The following PDSS2 variants were observed in gnomAD, a reference collection of about 807,000 sequenced individuals.
PDSS2 encodes the protein decaprenyl diphosphate synthase subunit 2, also known as all trans-polyprenyl-diphosphate synthase PDSS2.
A neutral mutation model predicts 44.5 loss-of-function variants in PDSS2; 31 were observed. The observed-to-expected ratio is 0.70, with a 90% CI of 0.52 to 0.94. PDSS2 has a LOEUF of 0.94. PDSS2 is among the 40% of genes least tolerant of loss of function. The pLI is 0.00. For synonymous variants in PDSS2, 157 were observed against 180.3 expected, an observed-to-expected ratio of 0.87 and a Z score of 1.03; for missense variants, 452 against 482.2, an observed-to-expected ratio of 0.94 and a Z score of 0.59.
At chr6:107,254,366 TAAGA>T (rs1486250445) in intron 3 of PDSS2, among the ~76,000 whole-genome samples, 1 of 152,046 alleles carries the variant, frequency 6.6e-6, no homozygotes, top group Admixed American at 6.6e-5. Context: ...AAAATTTTCA[TAAGA>T]AATAAAGAAA....
chr6:107,401,341 A>G (rs1300834865), intron 1 of PDSS2, among the ~76,000 whole-genome samples: 4 of 152,192 alleles, frequency 2.6e-5, no homozygotes, highest in African/African-American at 4.8e-5. Flanking sequence ...TACAGTGTCT[A>G]TACCAGTGAA....
rs561726563 is a variant in PDSS2 at position 107,297,032 on chromosome 6, G to A, written c.432-22805C>T. On this transcript the variant is annotated intron_variant, in intron 2 of 7. Transcript: ENST00000369037. ...CACCATCCACAAAGCACTGCATAGAGAGTAAACAATTACAATGGTCTAGAT... is the reference window on the plus strand; with the variant it reads ...CACCATCCACAAAGCACTGCATAGAAAGTAAACAATTACAATGGTCTAGAT... Among the ~76,000 whole-genome samples, 6 of 152,268 alleles carry A rather than the reference G, an allele frequency of 3.9e-5. No individual in the cohort carries two copies. The East Asian group carries it at 1.2e-3, about 29-fold the overall frequency.
intron 3 of PDSS2, among the ~76,000 whole-genome samples, chr6:107,263,749 G>A (rs1387157368): frequency 6.6e-6 from 1 of 152,108 alleles, no homozygotes; most frequent in African/African-American, 2.4e-5. Context: ...CCAGAAAATG[G>A]ATACAGTCTC....
At chr6:107,184,084 T>C (rs1446978788) in intron 7 of PDSS2, among the ~76,000 whole-genome samples, 1 of 152,080 alleles carries the variant, frequency 6.6e-6, no homozygotes, top group Non-Finnish European at 1.5e-5. Flanking sequence ...CATTCAGTGA[T>C]GTTGTATGGC....
intron 2 of PDSS2, among the ~76,000 whole-genome samples, chr6:107,301,357 T>G (rs1298506016): frequency 6.6e-6 from 1 of 152,216 alleles, no homozygotes; most frequent in African/African-American, 2.4e-5. Flanking sequence ...GAATAAACTA[T>G]GTATTTCCCA....
intron 4 of PDSS2, among the ~76,000 whole-genome samples, chr6:107,231,965 A>G (rs1444804707): frequency 6.8e-6 from 1 of 146,238 alleles, no homozygotes; most frequent in Non-Finnish European, 1.5e-5. Flanking sequence ...TCTGTCTCAA[A>G]AAAAAAAAAA....
intron 3 of PDSS2, among the ~76,000 whole-genome samples, chr6:107,271,557 C>A (rs1775599066): frequency 6.6e-6 from 1 of 152,144 alleles, no homozygotes. Context: ...GGCTACAGTA[C>A]AATTGGGTGA....
At chr6:107,270,992 T>A (rs533634318) in intron 3 of PDSS2, among the ~76,000 whole-genome samples, 2 of 152,338 alleles carry the variant, frequency 1.3e-5, no homozygotes, top group Non-Finnish European at 2.9e-5. Flanking sequence ...TTTTCCTATA[T>A]ACACATAAAC....
intron 3 of PDSS2, among the ~76,000 whole-genome samples, chr6:107,272,471 G>A (rs1157329810): frequency 6.6e-6 from 1 of 152,058 alleles, no homozygotes; most frequent in Non-Finnish European, 1.5e-5. Context: ...AGATAAGGAT[G>A]GCAAAACAGT....
At chr6:107,357,174 A>G (rs1339438766) in intron 1 of PDSS2, among the ~76,000 whole-genome samples, 2 of 152,170 alleles carry the variant, frequency 1.3e-5, no homozygotes, top group Admixed American at 6.5e-5. Context: ...ACACAGCATC[A>G]CAGGAACTCT....
chr6:107,166,466 G>A (rs200995303), intron 7 of PDSS2, among the ~76,000 whole-genome samples: 10 of 146,850 alleles, frequency 6.8e-5, no homozygotes, highest in Non-Finnish European at 1.3e-4. Context: ...CTGGGTTCAC[G>A]CCATTCTCCT....
chr6:107,333,850 T>C (rs1777788603), intron 2 of PDSS2, among the ~76,000 whole-genome samples: 1 of 152,098 alleles, frequency 6.6e-6, no homozygotes, highest in Non-Finnish European at 1.5e-5. Flanking sequence ...AGGTGTCATT[T>C]TGAGTAGATT....
chr6:107,391,715 AT>A (rs1779788218), intron 1 of PDSS2, among the ~76,000 whole-genome samples: 1 of 152,154 alleles, frequency 6.6e-6, no homozygotes, highest in Non-Finnish European at 1.5e-5. Flanking sequence ...ATCAATACAT[AT>A]TATAACTGAA....
chr6:107,440,603 TA>T (rs1335672549), intron 1 of PDSS2, among the ~76,000 whole-genome samples: 3 of 152,220 alleles, frequency 2.0e-5, no homozygotes, highest in African/African-American at 7.2e-5. Flanking sequence ...AGGGAGCTAC[TA>T]AAGGTTTTGT....
chr6:107,334,226 A>T lies in PDSS2; in HGVS notation c.403T>A (p.Tyr135Asn). 1 of 1,613,862 alleles carries T rather than the reference A, an allele frequency of 6.2e-7. No individual in the cohort carries two copies. Among genetic ancestry groups the T allele is most frequent in the Admixed American group, 1.7e-5 (1 of 60,026 alleles). ...GAGTAGATCCCACTGACCATGTCAT[A>T]GTTCTGACATGAAGTGTTCACGCTG... The part of the protein sequence containing the change: ...PSSVNTSCQN[Y>N]DMVSGIYSCQ... The change falls in exon 2 of 8, where the codon TAT (tyrosine) becomes AAT (asparagine). Residue 135 changes from tyrosine (Y) to asparagine (N), a missense_variant. Coordinates refer to ENST00000369037, the MANE Select transcript of PDSS2 (RefSeq NM_020381.4).
At chr6:107,418,638 G>A (rs569781119) in intron 1 of PDSS2, among the ~76,000 whole-genome samples, 1 of 152,198 alleles carries the variant, frequency 6.6e-6, no homozygotes, top group East Asian at 1.9e-4. Flanking sequence ...AGCCGGGTGT[G>A]GTGGCAGGCA....
chr6:107,318,379 C>T (rs1329608595), intron 2 of PDSS2, among the ~76,000 whole-genome samples: 1 of 152,014 alleles, frequency 6.6e-6, no homozygotes, highest in East Asian at 1.9e-4. Context: ...GGCTGAGCTC[C>T]AGAAGATCCC....
At chr6:107,397,468 CAT>C (rs1484292639) in intron 1 of PDSS2, among the ~76,000 whole-genome samples, 5 of 152,104 alleles carry the variant, frequency 3.3e-5, no homozygotes, top group African/African-American at 1.2e-4. Context: ...CCTGTGAGTA[CAT>C]GTCTTTTTTA....
At chr6:107,375,558 C>G (rs1020080162) in intron 1 of PDSS2, among the ~76,000 whole-genome samples, 13 of 152,150 alleles carry the variant, frequency 8.5e-5, no homozygotes, top group Admixed American at 2.0e-4. Context: ...AACAGTTCAG[C>G]CCAGATGTCT....
Sources: gnomAD v4.1 joint callset for allele counts (sites outside exome capture counted in the v4.1 genomes callset) on GRCh38, gnomAD v4.1.1 for gene constraint, MANE v1.5 for transcripts, NCBI Gene and HGNC (gene_info 2026-07-23, HGNC 2026-07-21) for gene names.